Variants in GLYATL3 observed in about 807,000 individuals in gnomAD.
The protein encoded by GLYATL3 is glycine-N-acyltransferase like 3.
In GLYATL3, 31 loss-of-function variants were observed where a neutral mutation model predicts 28.5. The ratio of observed to expected loss-of-function variants is 1.09; its 90% CI spans 0.82 to 1.47. GLYATL3 has a LOEUF of 1.47. Among genes scored for constraint, GLYATL3 ranks in the 40% most tolerant of loss-of-function variants. GLYATL3 has a pLI of 0.00. For missense variants in GLYATL3, 369 were observed against 351.5 expected, an observed-to-expected ratio of 1.05 and a Z score of -0.40; for synonymous variants, 141 against 140.2, an observed-to-expected ratio of 1.01 and a Z score of -0.04.
chr6:49,516,469 T>A (rs1014033984), intron 3 of GLYATL3, among the ~76,000 whole-genome samples: 2 of 152,074 alleles, frequency 1.3e-5, no homozygotes, highest in African/African-American at 2.4e-5. Context: ...GAAGACAACA[T>A]CTGCCCCGAG....
At chr6:49,504,733 A>G (rs1265022437) in intron 1 of GLYATL3, among the ~76,000 whole-genome samples, 5 of 152,116 alleles carry the variant, frequency 3.3e-5, no homozygotes, top group Admixed American at 1.3e-4. Flanking sequence ...CTGATGAAAA[A>G]AATTTTTAAT....
rs558208983 is a variant in GLYATL3 at position 49,503,440 on chromosome 6, C to T, written c.-29+3398C>T. On this transcript the variant is annotated intron_variant, in intron 1 of 5. Coordinates refer to ENST00000371197, the MANE Select transcript of GLYATL3 (RefSeq NM_001010904.2). ...CTTGGCTTTGGAGGGGCAACCCCTG[C>T]CCCTTTCCACTTAAAAGGAAAAAAG... Among the ~76,000 whole-genome samples the T allele has an allele frequency of 5.9e-5, 9 of 152,304 alleles. No homozygotes were observed. In the East Asian group the frequency reaches 1.5e-3, roughly 26 times the overall value.
intron 4 of GLYATL3, among the ~76,000 whole-genome samples, chr6:49,519,448 C>A (rs1204243894): frequency 6.6e-6 from 1 of 152,166 alleles, no homozygotes; most frequent in Non-Finnish European, 1.5e-5. Context: ...TGACTACAGA[C>A]TTCTGTGGTA....
At chr6:49,501,876 C>T (rs1430181437) in intron 1 of GLYATL3, among the ~76,000 whole-genome samples, 2 of 152,160 alleles carry the variant, frequency 1.3e-5, no homozygotes. Context: ...CCACAAGGGT[C>T]GCATTCCATT....
chr6:49,524,255 C>A (rs926942812), intron 5 of GLYATL3, among the ~76,000 whole-genome samples: 4 of 152,086 alleles, frequency 2.6e-5, no homozygotes, highest in South Asian at 2.1e-4. Context: ...TAATTTTTTC[C>A]CCCTGCTTAG....
At chr6:49,508,676 C>T (rs565311122) in intron 1 of GLYATL3, among the ~76,000 whole-genome samples, 98 of 152,292 alleles carry the variant, frequency 6.4e-4, no homozygotes, top group African/African-American at 2.3e-3. Context: ...AATGCATGTC[C>T]CTTCATAGGC....
chr6:49,514,673 A>G (rs1180273721), intron 2 of GLYATL3, among the ~76,000 whole-genome samples: 1 of 151,846 alleles, frequency 6.6e-6, no homozygotes, highest in African/African-American at 2.4e-5. Context: ...TCTACAAAAA[A>G]AATTTTTTTA....
At chr6:49,523,074 C>T (rs1027089808) in intron 5 of GLYATL3, among the ~76,000 whole-genome samples, 1 of 151,874 alleles carries the variant, frequency 6.6e-6, no homozygotes, top group African/African-American at 2.4e-5. Flanking sequence ...ACTATATTGA[C>T]ATACAGGACT....
At chr6:49,500,294 A>C (rs1243716167) in intron 1 of GLYATL3, among the ~76,000 whole-genome samples, 1 of 152,186 alleles carries the variant, frequency 6.6e-6, no homozygotes, top group Non-Finnish European at 1.5e-5. Flanking sequence ...AGTATTACCA[A>C]GTATAAATTT....
intron 5 of GLYATL3, among the ~76,000 whole-genome samples, chr6:49,522,896 T>C (rs976411061): frequency 1.3e-5 from 2 of 152,176 alleles, no homozygotes; most frequent in Non-Finnish European, 2.9e-5. Context: ...CATACAACTA[T>C]ATATTCTTTC....
chr6:49,522,100 ACTGT>A (rs1463703358), intron 5 of GLYATL3, among the ~76,000 whole-genome samples: 1 of 152,152 alleles, frequency 6.6e-6, no homozygotes, highest in Non-Finnish European at 1.5e-5. Context: ...AATAATATAT[ACTGT>A]CTGAGTCCAA....
intron 1 of GLYATL3, among the ~76,000 whole-genome samples, chr6:49,503,788 T>C (rs908441673): frequency 2.6e-5 from 4 of 152,344 alleles, no homozygotes; most frequent in African/African-American, 7.2e-5. Context: ...AGATCCCTGA[T>C]ACCAAGTGTC....
Position 49,515,740 on chromosome 6 carries a change from A to G in GLYATL3, c.166A>G (p.Ile56Val). 4 of 1,547,370 alleles carry G rather than the reference A, an allele frequency of 2.6e-6. No homozygotes were observed. The highest frequency in any genetic ancestry group is 3.5e-6 in the Non-Finnish European group (4 of 1,142,710). ...LDSWPDFKAV[I>V]TRRQREAETD... is the part of the protein sequence containing the mutation. Reference sequence around the variant, plus strand: ...TTCATGGCCGGATTTCAAAGCTGTTATCACCCGACGACAAAGAGAGGTACA... The same window carrying G: ...TTCATGGCCGGATTTCAAAGCTGTTGTCACCCGACGACAAAGAGAGGTACA... The change falls in exon 3 of 6, where the codon ATC (isoleucine) becomes GTC (valine). Residue 56 changes from isoleucine (I) to valine (V), a missense_variant. Transcript: ENST00000371197.
chr6:49,524,354 AT>A (rs1168695627), intron 5 of GLYATL3, among the ~76,000 whole-genome samples: 2 of 152,154 alleles, frequency 1.3e-5, no homozygotes, highest in African/African-American at 4.8e-5. Flanking sequence ...GAAAACACAA[AT>A]TTTTACTTTA....
chr6:49,520,779 A>AC (rs1268036004), intron 4 of GLYATL3, among the ~76,000 whole-genome samples: 1 of 152,140 alleles, frequency 6.6e-6, no homozygotes, highest in Non-Finnish European at 1.5e-5. Flanking sequence ...GCTTTGGGAG[A>AC]CCAAGGCAGG....
chr6:49,507,187 G>C (rs1405764257), intron 1 of GLYATL3, among the ~76,000 whole-genome samples: 2 of 152,074 alleles, frequency 1.3e-5, no homozygotes, highest in African/African-American at 2.4e-5. Context: ...AGCTACCCAA[G>C]GTAAAGGGAG....
chr6:49,513,724 A>G lies in GLYATL3; in HGVS notation c.78+1656A>G, dbSNP rs1328629006. ...AACCCAATTTGGAAAGACTCCTTCTATGAGGATATGTGAATGAGGTCCAGA... is the reference window on the plus strand; with the variant it reads ...AACCCAATTTGGAAAGACTCCTTCTGTGAGGATATGTGAATGAGGTCCAGA... On this transcript the variant is annotated intron_variant, in intron 2 of 5. Coordinates refer to ENST00000371197, the MANE Select transcript of GLYATL3 (RefSeq NM_001010904.2). Among the ~76,000 whole-genome samples, 8 of 152,180 alleles carry G rather than the reference A, an allele frequency of 5.3e-5. 1 individual carries two copies. Among genetic ancestry groups the G allele is most frequent in the Non-Finnish European group, 1.5e-5 (1 of 68,034 alleles).
chr6:49,521,526 A>G (rs1196779223), intron 4 of GLYATL3, 119 bp from the exon 5 acceptor site: 47 of 788,454 alleles, frequency 6.0e-5, no homozygotes, highest in Non-Finnish European at 1.2e-5. Context: ...GGTTAGGATA[A>G]TACAAGGTGG....
At chr6:49,517,153 T>G (rs1426216185) in intron 3 of GLYATL3, among the ~76,000 whole-genome samples, 7 of 34,678 alleles carry the variant, frequency 2.0e-4, no homozygotes, top group Non-Finnish European at 4.0e-4. Context: ...AGTGAGACTC[T>G]GTCTAAAAAA....
Sources: allele counts gnomAD v4.1 joint callset (sites outside exome capture counted in the v4.1 genomes callset), GRCh38; gene constraint gnomAD v4.1.1; transcripts MANE v1.5; gene names NCBI Gene and HGNC (gene_info 2026-07-23, HGNC 2026-07-21).